ESR1: variants seen among roughly 807,000 people sequenced by gnomAD.
The protein encoded by ESR1 is estrogen receptor.
A neutral mutation model predicts 52.7 loss-of-function variants in ESR1; 12 were observed. The observed-to-expected ratio is 0.23, with a 90% CI of 0.15 to 0.37. ESR1 has a LOEUF of 0.37. Among genes scored for constraint, ESR1 ranks in the 10% least tolerant of loss-of-function variants. The pLI, the probability that ESR1 is intolerant of heterozygous loss-of-function variation, is 1.00. For missense variants in ESR1, 584 were observed against 779.7 expected (o/e 0.75, Z 2.99); for synonymous variants, 305 against 316.8 (o/e 0.96, Z 0.39).
intron 6 of ESR1, among the ~76,000 whole-genome samples, chr6:152,120,889 T>C (rs2051308738): frequency 6.6e-6 from 1 of 152,160 alleles, no homozygotes; most frequent in Admixed American, 6.5e-5. Flanking sequence ...ATACTCAATT[T>C]AGAGCAGGAT....
chr6:152,083,134 C>CA (rs2049377908), intron 6 of ESR1, among the ~76,000 whole-genome samples: 1 of 152,002 alleles, frequency 6.6e-6, no homozygotes, highest in Non-Finnish European at 1.5e-5. Context: ...CACATGGAAC[C>CA]AAAAAAGAGC....
At chr6:151,977,673 T>G (rs1261817812) in intron 4 of ESR1, among the ~76,000 whole-genome samples, 1 of 151,968 alleles carries the variant, frequency 6.6e-6, no homozygotes, top group African/African-American at 2.4e-5. Flanking sequence ...TGGGTGCCTG[T>G]ATTCCCAGCT....
At chr6:152,040,326 G>A (rs991559222) in intron 5 of ESR1, among the ~76,000 whole-genome samples, 1 of 152,154 alleles carries the variant, frequency 6.6e-6, no homozygotes, top group African/African-American at 2.4e-5. Context: ...GGGGAAAGAG[G>A]CTGAGTGGTA....
chr6:151,761,394 T>C (rs970488468), intron 2 of ESR1, among the ~76,000 whole-genome samples: 1 of 152,180 alleles, frequency 6.6e-6, no homozygotes, highest in East Asian at 1.9e-4. Flanking sequence ...TCATTCTTAT[T>C]CCTAACCATT....
chr6:152,126,292 T>TGAA (rs1371435788), exon 7 of ESR1: 3 of 152,174 alleles, frequency 2.0e-5, no homozygotes, highest in African/African-American at 7.2e-5. Context: ...AGCTGCCTCA[T>TGAA]CTTCAGGGGG....
rs547420045 is a variant in ESR1 at position 151,889,939 on chromosome 6, C to T, written c.760+9168C>T. Among the ~76,000 whole-genome samples the T allele has an allele frequency of 2.0e-5, 3 of 151,934 alleles. No individual in the cohort carries two copies. The South Asian group carries it at 6.2e-4, about 32-fold the overall frequency. On this transcript the variant is annotated intron_variant, in intron 3 of 7. Coordinates refer to ENST00000206249, the MANE Select transcript of ESR1 (RefSeq NM_000125.4). ...GGTTCTGAGTATGTTGTTTTATTTT[C>T]AAGTATTTGTGAATTTTCCAAAATT...
chr6:151,702,478 AAGCAAAATGTG>A (rs1223119529), intron 2 of ESR1, among the ~76,000 whole-genome samples: 2 of 152,202 alleles, frequency 1.3e-5, no homozygotes, highest in Non-Finnish European at 2.9e-5. Context: ...TGCTAATAGG[AAGCAAAATGTG>A]AGTGTGCTTT....
intron 1 of ESR1, among the ~76,000 whole-genome samples, chr6:151,696,123 C>T (rs1262570951): frequency 1.3e-5 from 2 of 151,866 alleles, no homozygotes; most frequent in Non-Finnish European, 2.9e-5. Context: ...TTGACAAGGG[C>T]CTTGCTGTGG....
intron 6 of ESR1, among the ~76,000 whole-genome samples, chr6:152,080,482 T>G (rs1357578289): frequency 6.6e-6 from 1 of 152,156 alleles, no homozygotes; most frequent in African/African-American, 2.4e-5. Context: ...CAGGCCTGCC[T>G]TAGAAGAGCT....
chr6:151,933,340 G>T lies in ESR1; in HGVS notation c.761-10833G>T, dbSNP rs1389401698. ...ACTTTGCTGAAGTTGCTTATCAGCT[G>T]AAGGAGATTTTGGGCTGAGACAATG... On this transcript the variant is annotated intron_variant, in intron 3 of 7. Coordinates refer to ENST00000206249, the MANE Select transcript of ESR1 (RefSeq NM_000125.4). 6.6e-5 allele frequency among the ~76,000 whole-genome samples: 10 copies of T among 150,952 alleles called. No homozygotes were observed. The East Asian group carries it at 9.7e-4, about 15-fold the overall frequency.
intron 6 of ESR1, among the ~76,000 whole-genome samples, chr6:152,080,410 A>C (rs1325080821): frequency 6.6e-6 from 1 of 152,212 alleles, no homozygotes; most frequent in Non-Finnish European, 1.5e-5. Context: ...ACTAAGCTTC[A>C]TAAGTGAAGG....
chr6:151,887,272 G>A (rs1794011496), intron 3 of ESR1, among the ~76,000 whole-genome samples: 1 of 151,954 alleles, frequency 6.6e-6, no homozygotes, highest in Non-Finnish European at 1.5e-5. Flanking sequence ...TTACCAAAGA[G>A]AGACTGGTTG....
chr6:152,114,176 G>A (rs1373101758), intron 6 of ESR1, among the ~76,000 whole-genome samples: 4 of 152,164 alleles, frequency 2.6e-5, no homozygotes, highest in Non-Finnish European at 5.9e-5. Flanking sequence ...AAAGCAGGCT[G>A]ACTCTCTGGC....
In ESR1 at chr6:151,807,759, C is replaced by T. The variant is rs954712881; in HGVS notation, c.-154C>T. The T allele has an allele frequency of 5.1e-6, 4 of 777,568 alleles. No individual in the cohort carries two copies. Among genetic ancestry groups the T allele is most frequent in the African/African-American group, 1.7e-5 (1 of 58,478 alleles). 48.2% of individuals were successfully genotyped at this position (777,568 alleles called of 1,614,324 possible). ...CGGCTTCACCGGACCCGCAGGCTCC[C>T]GGGGCAGGGCCGGGGCCAGAGCTCG... On this transcript the variant is annotated 5_prime_UTR_variant, in exon 1 of 8. Coordinates refer to ENST00000206249, the MANE Select transcript of ESR1 (RefSeq NM_000125.4).
chr6:151,859,517 G>A (rs1788493928), intron 2 of ESR1, among the ~76,000 whole-genome samples: 1 of 152,132 alleles, frequency 6.6e-6, no homozygotes, highest in Non-Finnish European at 1.5e-5. Context: ...GGTGCAACCA[G>A]ACCTTAGTGA....
intron 6 of ESR1, among the ~76,000 whole-genome samples, chr6:152,082,966 A>G (rs1334463345): frequency 6.6e-6 from 1 of 152,206 alleles, no homozygotes; most frequent in African/African-American, 2.4e-5. Flanking sequence ...ATAAAAGAGG[A>G]CACAAACAAA....
chr6:152,115,223 AT>A lies in ESR1; in HGVS notation c.851-10039del, dbSNP rs1265576154. Among the ~76,000 whole-genome samples, 4 of 152,192 alleles carry A rather than the reference AT, an allele frequency of 2.6e-5. No individual in the cohort carries two copies. In the East Asian group the frequency reaches 7.7e-4, roughly 29 times the overall value. On this transcript the variant is annotated intron_variant, in intron 6 of 6. Transcript: ENST00000427531. Reference sequence around the variant, plus strand: ...TAAAATGTAAGAATATATAGTAGGCATTTTCCCTAATCAATACATATAGATT... The same window carrying A: ...TAAAATGTAAGAATATATAGTAGGCATTTCCCTAATCAATACATATAGATT...
chr6:151,996,664 G>A (rs139743659), intron 4 of ESR1, among the ~76,000 whole-genome samples: 33 of 152,206 alleles, frequency 2.2e-4, no homozygotes, highest in African/African-American at 7.7e-4. Context: ...GCAATAGACA[G>A]TGATAAGCAT....
chr6:152,006,840 T>C (rs2042371401), intron 4 of ESR1, among the ~76,000 whole-genome samples: 1 of 151,622 alleles, frequency 6.6e-6, no homozygotes, highest in African/African-American at 2.4e-5. Flanking sequence ...GAAACCAATA[T>C]TTTTTTTTCC....
Sources: allele counts gnomAD v4.1 joint callset (sites outside exome capture counted in the v4.1 genomes callset), GRCh38; gene constraint gnomAD v4.1.1; transcripts MANE v1.5; gene names NCBI Gene and HGNC (gene_info 2026-07-23, HGNC 2026-07-21).